The following NCALD variants were observed in gnomAD, a reference collection of about 807,000 sequenced individuals.
The protein encoded by NCALD is neurocalcin-delta.
Under a neutral mutation model 18.6 loss-of-function variants are expected in NCALD, and 10 were observed. That is an observed-to-expected ratio of 0.54 (90% CI 0.33 to 0.91). The LOEUF (loss-of-function observed/expected upper bound fraction) is 0.91, where lower values mean the gene tolerates loss of function less well. Ranked by LOEUF, NCALD falls within the 40% of genes least tolerant of loss-of-function variation. NCALD has a pLI of 0.03. For missense variants in NCALD, 184 were observed against 247.6 expected (o/e 0.74, Z 1.72); for synonymous variants, 88 against 87.4 (o/e 1.01, Z -0.04).
intron 1 of NCALD, among the ~76,000 whole-genome samples, chr8:101,739,406 T>C (rs1410005458): frequency 1.3e-5 from 2 of 152,244 alleles, no homozygotes; most frequent in Admixed American, 6.5e-5. Flanking sequence ...ATGGTTAATA[T>C]TGAGTGTCAA....
chr8:101,751,372 G>C (rs1810650737), intron 1 of NCALD, among the ~76,000 whole-genome samples: 1 of 152,162 alleles, frequency 6.6e-6, no homozygotes, highest in African/African-American at 2.4e-5. Context: ...TGGAGAGTTA[G>C]TGTTTCACAG....
intron 1 of NCALD, among the ~76,000 whole-genome samples, chr8:101,779,539 T>C (rs998639306): frequency 3.3e-5 from 5 of 152,166 alleles, no homozygotes; most frequent in Non-Finnish European, 7.4e-5. Flanking sequence ...TTGTGGAATG[T>C]AAAAAACACT....
At chr8:101,855,668 G>A (rs959491596) in intron 4 of NCALD, among the ~76,000 whole-genome samples, 1 of 152,086 alleles carries the variant, frequency 6.6e-6, no homozygotes, top group Admixed American at 6.6e-5. Context: ...GATGCATCAG[G>A]GCCTCAGATG....
At chr8:101,753,628 G>A (rs1016601320) in intron 1 of NCALD, among the ~76,000 whole-genome samples, 6 of 152,162 alleles carry the variant, frequency 3.9e-5, no homozygotes, top group Non-Finnish European at 2.9e-5. Flanking sequence ...TGGCCAATAG[G>A]ACAAGTCAGT....
upstream of NCALD, among the ~76,000 whole-genome samples, chr8:101,791,970 T>TC (rs1360438750): frequency 6.6e-6 from 1 of 152,144 alleles, no homozygotes; most frequent in Non-Finnish European, 1.5e-5. Flanking sequence ...CGTGCCTATT[T>TC]CCCAGTTAAT....
intron 2 of NCALD, among the ~76,000 whole-genome samples, chr8:101,952,495 C>T (rs1196812453): frequency 1.3e-5 from 2 of 152,204 alleles, no homozygotes; most frequent in African/African-American, 4.8e-5. Flanking sequence ...GCAATACCCA[C>T]CAGACACATC....
At chr8:101,896,560 C>A (rs974904508) in intron 3 of NCALD, among the ~76,000 whole-genome samples, 8 of 151,862 alleles carry the variant, frequency 5.3e-5, no homozygotes, top group Non-Finnish European at 1.0e-4. Flanking sequence ...AAAGAAACTA[C>A]CATCAGAGTA....
At chr8:101,913,817 C>G (rs944661681) in intron 3 of NCALD, among the ~76,000 whole-genome samples, 4 of 152,120 alleles carry the variant, frequency 2.6e-5, no homozygotes, top group African/African-American at 9.7e-5. Flanking sequence ...CCCAACCTCA[C>G]GTGATCTGCC....
chr8:102,051,956 T>C (rs1417829504), intron 1 of NCALD, among the ~76,000 whole-genome samples: 1 of 152,218 alleles, frequency 6.6e-6, no homozygotes, highest in Non-Finnish European at 1.5e-5. Flanking sequence ...GAACTTCAAA[T>C]GGACAGAAGA....
At chr8:101,874,600 C>A (rs986859733) in intron 4 of NCALD, among the ~76,000 whole-genome samples, 1 of 152,138 alleles carries the variant, frequency 6.6e-6, no homozygotes, top group Non-Finnish European at 1.5e-5. Flanking sequence ...TGTAGTGGCA[C>A]AATCATACCT....
chr8:101,747,160 C>A lies in NCALD; in HGVS notation c.-19-27512G>T, dbSNP rs998204208. Among the ~76,000 whole-genome samples, 4 of 148,850 alleles carry A rather than the reference C, an allele frequency of 2.7e-5. No individual in the cohort carries two copies. In the East Asian group the frequency reaches 8.0e-4, roughly 30 times the overall value. On this transcript the variant is annotated intron_variant, in intron 1 of 3. Transcript: ENST00000220931. ...ACCCAGCAGCTCTTTTCCTGCCCCACACACACAGAGTCCTGATGTCCTTCT... is the reference window on the plus strand; with the variant it reads ...ACCCAGCAGCTCTTTTCCTGCCCCAAACACACAGAGTCCTGATGTCCTTCT...
At chr8:101,741,222 G>A (rs962868338) in intron 1 of NCALD, among the ~76,000 whole-genome samples, 2 of 152,184 alleles carry the variant, frequency 1.3e-5, no homozygotes, top group African/African-American at 2.4e-5. Context: ...CTGCTGAATC[G>A]CAAGATGTGC....
intron 1 of NCALD, among the ~76,000 whole-genome samples, chr8:102,036,517 G>A (rs1227136573): frequency 2.0e-5 from 3 of 152,168 alleles, no homozygotes; most frequent in African/African-American, 7.2e-5. Flanking sequence ...GCTCACGCCT[G>A]TAATCCCAGC....
chr8:102,120,487 C>T (rs74407703), intron 1 of NCALD, among the ~76,000 whole-genome samples: 12,407 of 152,184 alleles, frequency 0.082, 699 homozygotes, highest in Middle Eastern at 0.12. Context: ...AGGTCTGGAG[C>T]TCTTCCAGCC....
chr8:102,098,465 T>A (rs1825173890), intron 1 of NCALD, among the ~76,000 whole-genome samples: 1 of 146,584 alleles, frequency 6.8e-6, no homozygotes, highest in East Asian at 2.2e-4. Context: ...TTCTAACAGC[T>A]TCCCAAGTTG....
intron 4 of NCALD, among the ~76,000 whole-genome samples, chr8:101,861,903 T>A (rs1563835449): frequency 6.6e-6 from 1 of 152,350 alleles, no homozygotes; most frequent in African/African-American, 2.4e-5. Flanking sequence ...GTACTGTTTA[T>A]TTTTTCACTG....
At chr8:101,754,205 TTTTAGCTATCA>T (rs1337237597) in intron 1 of NCALD, among the ~76,000 whole-genome samples, 3 of 152,188 alleles carry the variant, frequency 2.0e-5, no homozygotes, top group Admixed American at 1.3e-4. Context: ...GGAATAATAA[TTTTAGCTATCA>T]TTTAGCTATC....
chr8:102,019,698 G>A (rs1408539299), intron 2 of NCALD, among the ~76,000 whole-genome samples: 5 of 152,088 alleles, frequency 3.3e-5, no homozygotes, highest in Non-Finnish European at 2.9e-5. Flanking sequence ...ATTAAATCTA[G>A]CTAAGTATAG....
chr8:102,001,939 C>A (rs1667014178), intron 2 of NCALD, among the ~76,000 whole-genome samples: 1 of 152,276 alleles, frequency 6.6e-6, no homozygotes, highest in Admixed American at 6.5e-5. Context: ...ATTGTAAAGA[C>A]CATAGAGGCT....
Sources: gnomAD v4.1 joint callset for allele counts (sites outside exome capture counted in the v4.1 genomes callset) on GRCh38, gnomAD v4.1.1 for gene constraint, MANE v1.5 for transcripts, NCBI Gene and HGNC (gene_info 2026-07-23, HGNC 2026-07-21) for gene names.